The following MEIS1 variants were observed in gnomAD, a reference collection of about 807,000 sequenced individuals.
The protein encoded by MEIS1 is homeobox protein Meis1.
MEIS1 carries 5 observed loss-of-function variants against 50.8 expected under a neutral mutation model. The observed-to-expected ratio is 0.10, with a 90% confidence interval of 0.05 to 0.21. MEIS1 has a LOEUF of 0.21. Ranked by LOEUF, MEIS1 falls within the 10% of genes least tolerant of loss-of-function variation. The pLI is 1.00. For missense variants in MEIS1, 318 were observed against 517.3 expected, an observed-to-expected ratio of 0.61 and a Z score of 3.74; for synonymous variants, 176 against 179.3, an observed-to-expected ratio of 0.98 and a Z score of 0.15.
chr2:66,489,106 C>G (rs953841286), intron 7 of MEIS1, among the ~76,000 whole-genome samples: 1 of 152,176 alleles, frequency 6.6e-6, no homozygotes, highest in African/African-American at 2.4e-5. Flanking sequence ...TTTCAAAGAG[C>G]CAGCCAGTAG....
chr2:66,495,090 T>C (rs1371856438), intron 7 of MEIS1, among the ~76,000 whole-genome samples: 3 of 148,264 alleles, frequency 2.0e-5, no homozygotes, highest in Non-Finnish European at 4.5e-5. Context: ...CTTTTTTTTT[T>C]TTTTTTTTTT....
chr2:66,570,239 A>AC (rs1221269745), intron 12 of MEIS1: 5 of 152,284 alleles, frequency 3.3e-5, no homozygotes, highest in African/African-American at 1.2e-4. Context: ...CAGTCTTATT[A>AC]CCTCATCATG....
chr2:66,492,817 T>C (rs1673304402), intron 7 of MEIS1, among the ~76,000 whole-genome samples: 1 of 152,236 alleles, frequency 6.6e-6, no homozygotes, highest in Admixed American at 6.5e-5. Flanking sequence ...TCTTTTTTTG[T>C]TGTTTTATTC....
intron 8 of MEIS1, among the ~76,000 whole-genome samples, chr2:66,517,442 A>G (rs139818893): frequency 6.6e-6 from 1 of 152,128 alleles, no homozygotes; most frequent in African/African-American, 2.4e-5. Flanking sequence ...ATGTCCATGT[A>G]CCCTATCAAA....
chr2:66,450,705 T>C (rs1672259510), intron 6 of MEIS1, among the ~76,000 whole-genome samples: 1 of 152,160 alleles, frequency 6.6e-6, no homozygotes, highest in South Asian at 2.1e-4. Context: ...GATATTAGAA[T>C]TACTCTAATA....
intron 7 of MEIS1, among the ~76,000 whole-genome samples, chr2:66,474,984 A>T (rs975770117): frequency 1.1e-4 from 16 of 151,950 alleles, no homozygotes; most frequent in African/African-American, 3.6e-4. Flanking sequence ...GCTTGTTGCT[A>T]GGTTATTAGC....
intron 1 of MEIS1, 74 bp from the exon 2 acceptor site, chr2:66,437,663 G>A (rs937416732): frequency 5.1e-6 from 7 of 1,370,306 alleles, no homozygotes; most frequent in Non-Finnish European, 5.1e-6. Context: ...CCTTATATAA[G>A]CTCGGTGCCT....
chr2:66,441,486 C>G, intron 5 of MEIS1, 22 bp downstream of exon 5: 2 of 1,529,110 alleles, frequency 1.3e-6, no homozygotes, highest in South Asian at 1.3e-5. Flanking sequence ...AGCCTCTTTT[C>G]CTTTTACTTA....
At chr2:66,562,828 C>T (rs1481684856) in intron 9 of MEIS1, among the ~76,000 whole-genome samples, 2 of 152,046 alleles carry the variant, frequency 1.3e-5, no homozygotes, top group African/African-American at 4.8e-5. Flanking sequence ...TTCAGTCTTC[C>T]ACCACCTGCA....
chr2:66,468,249 T>C (rs1672686122), intron 7 of MEIS1, among the ~76,000 whole-genome samples: 1 of 152,186 alleles, frequency 6.6e-6, no homozygotes, highest in South Asian at 2.1e-4. Context: ...GAGCCTACTC[T>C]AGGAACTGTG....
At chr2:66,549,525 A>G (rs145665735) in intron 9 of MEIS1, among the ~76,000 whole-genome samples, 18 of 152,206 alleles carry the variant, frequency 1.2e-4, no homozygotes, top group Middle Eastern at 3.4e-3. Flanking sequence ...CAAATATGTA[A>G]TATTTGAAAT....
At chr2:66,568,018 T>G in intron 10 of MEIS1, 1 of 187,996 alleles carries the variant, frequency 5.3e-6, no homozygotes, top group Non-Finnish European at 1.1e-5. Context: ...CATGTACAGT[T>G]AAAACACGGG....
chr2:66,443,230 G>T (rs1303070524), intron 6 of MEIS1, 182 bp downstream of exon 6: 2 of 630,708 alleles, frequency 3.2e-6, no homozygotes, highest in Non-Finnish European at 5.0e-6. Flanking sequence ...GGCTGGCTCT[G>T]GGATTCGACC....
At chr2:66,441,317 T>TA in intron 4 of MEIS1, 97 bp from the exon 5 acceptor site, 1 of 1,002,116 alleles carries the variant, frequency 1.0e-6, no homozygotes, top group Non-Finnish European at 1.4e-6. Flanking sequence ...TAACTCTATT[T>TA]ACTGGTGGGA....
chr2:66,526,775 A>G (rs1674261321), intron 8 of MEIS1, among the ~76,000 whole-genome samples: 1 of 152,248 alleles, frequency 6.6e-6, no homozygotes, highest in South Asian at 2.1e-4. Context: ...AAACATATAT[A>G]TACATACATA....
At chr2:66,457,128 GGT>G (rs1279204393) in intron 6 of MEIS1, among the ~76,000 whole-genome samples, 1 of 148,396 alleles carries the variant, frequency 6.7e-6, no homozygotes, top group East Asian at 2.0e-4. Flanking sequence ...AACTTGTTGT[GGT>G]TAAATGAATT....
chr2:66,436,830 A>T (rs1419876029), intron 1 of MEIS1: 1 of 966,010 alleles, frequency 1.0e-6, no homozygotes, highest in Admixed American at 6.2e-5. Context: ...CTAAATAGCT[A>T]AATTTCACAC....
intron 7 of MEIS1, among the ~76,000 whole-genome samples, chr2:66,511,226 A>G (rs2103852037): frequency 6.6e-6 from 1 of 152,332 alleles, no homozygotes; most frequent in South Asian, 2.1e-4. Flanking sequence ...GAACAGTTAT[A>G]TGGGTTAAAT....
intron 8 of MEIS1, among the ~76,000 whole-genome samples, chr2:66,532,947 T>TA (rs1294951830): frequency 6.6e-6 from 1 of 152,224 alleles, no homozygotes; most frequent in East Asian, 1.9e-4. Flanking sequence ...CAGTTTTTTT[T>TA]ATCCAAAATC....
Sources: gnomAD v4.1 joint callset for allele counts (sites outside exome capture counted in the v4.1 genomes callset) on GRCh38, gnomAD v4.1.1 for gene constraint, MANE v1.5 for transcripts, NCBI Gene and HGNC (gene_info 2026-07-23, HGNC 2026-07-21) for gene names.